PAK5: variants seen among roughly 807,000 people sequenced by gnomAD.
The protein encoded by PAK5 is p21 (RAC1) activated kinase 5.
In PAK5, 16 loss-of-function variants were observed where a neutral mutation model predicts 65.9. That is an observed-to-expected ratio of 0.24 (90% CI 0.16 to 0.37). The LOEUF (loss-of-function observed/expected upper bound fraction) is 0.37, where lower values mean the gene tolerates loss of function less well. Ranked by LOEUF, PAK5 falls within the 10% of genes least tolerant of loss-of-function variation. The pLI, the probability that PAK5 is intolerant of heterozygous loss-of-function variation, is 1.00. For synonymous variants in PAK5, 371 were observed against 354.9 expected, an observed-to-expected ratio of 1.05 and a Z score of -0.51; for missense variants, 785 against 903.9, an observed-to-expected ratio of 0.87 and a Z score of 1.69.
At chr20:9,607,382 T>C (rs2046474109) in intron 3 of PAK5, among the ~76,000 whole-genome samples, 1 of 152,220 alleles carries the variant, frequency 6.6e-6, no homozygotes, top group African/African-American at 2.4e-5. Context: ...CTGGAATCAA[T>C]AAGACTAAAA....
intron 1 of PAK5, among the ~76,000 whole-genome samples, chr20:9,779,245 C>T (rs1233547425): frequency 1.3e-5 from 2 of 151,824 alleles, no homozygotes; most frequent in East Asian, 3.9e-4. Flanking sequence ...AAGTGGGTTC[C>T]ATTACTATCT....
chr20:9,671,123 A>G (rs1397442226), intron 2 of PAK5, among the ~76,000 whole-genome samples: 2 of 152,162 alleles, frequency 1.3e-5, no homozygotes, highest in African/African-American at 4.8e-5. Context: ...GTTCTGTTCC[A>G]TTGGTCTATA....
intron 9 of PAK5, among the ~76,000 whole-genome samples, chr20:9,540,780 A>G (rs960452999): frequency 1.3e-5 from 2 of 148,230 alleles, no homozygotes; most frequent in Non-Finnish European, 3.0e-5. Context: ...TGTGTCACCT[A>G]GGCTGGAGTG....
rs2048639311 is a variant in PAK5 at position 9,756,792 on chromosome 20, C to T, written c.-161-45357G>A. On this transcript the variant is annotated intron_variant, in intron 1 of 9. Transcript: ENST00000353224. Reference sequence around the variant, plus strand: ...GGACAGTGCTGAACTAAGGCATGTCCTCTCTCTACACAGCAAAGGCCGGTT... The same window carrying T: ...GGACAGTGCTGAACTAAGGCATGTCTTCTCTCTACACAGCAAAGGCCGGTT... Among the ~76,000 whole-genome samples the T allele has an allele frequency of 2.0e-5, 3 of 152,102 alleles. No individual in the cohort carries two copies. The South Asian group carries it at 6.2e-4, about 32-fold the overall frequency.
intron 2 of PAK5, among the ~76,000 whole-genome samples, chr20:9,678,971 C>T (rs1212947688): frequency 6.6e-6 from 1 of 152,066 alleles, no homozygotes; most frequent in African/African-American, 2.4e-5. Flanking sequence ...ACACAGTTGA[C>T]CCTTGAACAA....
At chr20:9,645,101 A>G (rs2047116491) in intron 2 of PAK5, among the ~76,000 whole-genome samples, 1 of 152,228 alleles carries the variant, frequency 6.6e-6, no homozygotes, top group Non-Finnish European at 1.5e-5. Context: ...AATTACTTCA[A>G]GTATTAATTA....
intron 7 of PAK5, among the ~76,000 whole-genome samples, chr20:9,546,207 A>G (rs1057158534): frequency 2.0e-5 from 3 of 152,202 alleles, no homozygotes; most frequent in African/African-American, 7.2e-5. Flanking sequence ...CCCTATCTGC[A>G]TGAGTAGATT....
At chr20:9,754,983 A>G (rs2048617494) in intron 1 of PAK5, among the ~76,000 whole-genome samples, 1 of 152,238 alleles carries the variant, frequency 6.6e-6, no homozygotes, top group Admixed American at 6.5e-5. Context: ...ATCTGTGAAA[A>G]TAAAACATAT....
At chr20:9,620,727 GT>G (rs2046752845) in intron 3 of PAK5, among the ~76,000 whole-genome samples, 1 of 152,090 alleles carries the variant, frequency 6.6e-6, no homozygotes, top group Non-Finnish European at 1.5e-5. Context: ...TGCCCTGGAG[GT>G]TGGGAGAGTC....
chr20:9,649,688 A>G (rs1278331032), intron 2 of PAK5, among the ~76,000 whole-genome samples: 1 of 152,200 alleles, frequency 6.6e-6, no homozygotes, highest in Non-Finnish European at 1.5e-5. Context: ...AATAACAGGC[A>G]AATGCAGCAG....
At chr20:9,796,608 C>T (rs764799073) in intron 1 of PAK5, among the ~76,000 whole-genome samples, 9 of 152,012 alleles carry the variant, frequency 5.9e-5, no homozygotes, top group Non-Finnish European at 1.3e-4. Flanking sequence ...CATTTTTGAA[C>T]GATCACTCTT....
rs1359784700 is a variant in PAK5, at chr20:9,538,768, T to A, written c.*694A>T. On this transcript the variant is annotated 3_prime_UTR_variant, in exon 10 of 10. Transcript: ENST00000353224. ...TAATGAAACGTGCACACCATCACCA[T>A]CACTCTTAATTCTTCTTCCACCAAA... is the stretch of plus-strand genomic sequence containing the variant. 2.6e-5 allele frequency: 6 copies of A among 233,202 alleles called. No homozygotes were observed. The East Asian group carries it at 3.6e-4, about 14-fold the overall frequency. 14.4% of individuals were successfully genotyped at this position (233,202 alleles called of 1,614,324 possible).
chr20:9,702,357 A>G (rs949773956), intron 2 of PAK5, among the ~76,000 whole-genome samples: 1 of 152,090 alleles, frequency 6.6e-6, no homozygotes, highest in Non-Finnish European at 1.5e-5. Flanking sequence ...GGATTCCTGC[A>G]TGCTTGCATC....
intron 1 of PAK5, among the ~76,000 whole-genome samples, chr20:9,815,069 G>A (rs567137724): frequency 4.7e-4 from 71 of 152,262 alleles, no homozygotes; most frequent in Middle Eastern, 6.8e-3. Context: ...AAAGAGAAAG[G>A]AGGAGATGCC....
chr20:9,720,188 T>G (rs1453638102), intron 1 of PAK5, among the ~76,000 whole-genome samples: 1 of 152,162 alleles, frequency 6.6e-6, no homozygotes, highest in Non-Finnish European at 1.5e-5. Flanking sequence ...ACAGGGATTC[T>G]TAACTGGGGG....
rs138318973 is a variant in PAK5, at chr20:9,598,077, C to A, written c.205-17147G>T. Among the ~76,000 whole-genome samples, 354 of 152,342 alleles carry A rather than the reference C, an allele frequency of 2.3e-3. 1 individual carries two copies. Among genetic ancestry groups the A allele is most frequent in the African/African-American group, 8.3e-3 (344 of 41,578 alleles). ...TCTCTCACCTAGGTAGTAAGCCCTGCATGCATTAGCTACTTATCCTGATGC... is the reference window on the plus strand; with the variant it reads ...TCTCTCACCTAGGTAGTAAGCCCTGAATGCATTAGCTACTTATCCTGATGC... On this transcript the variant is annotated intron_variant, in intron 3 of 9. Coordinates refer to ENST00000353224, the MANE Select transcript of PAK5 (RefSeq NM_177990.4).
intron 1 of PAK5, among the ~76,000 whole-genome samples, chr20:9,781,935 C>A (rs560431229): frequency 6.6e-6 from 1 of 152,070 alleles, no homozygotes; most frequent in African/African-American, 2.4e-5. Flanking sequence ...CGCAGCAGTC[C>A]GAATAATTTT....
chr20:9,765,859 A>G (rs897437809), intron 1 of PAK5, among the ~76,000 whole-genome samples: 1 of 152,218 alleles, frequency 6.6e-6, no homozygotes, highest in African/African-American at 2.4e-5. Flanking sequence ...ATGATCACCA[A>G]GAGACATGCA....
intron 3 of PAK5, among the ~76,000 whole-genome samples, chr20:9,612,180 G>A (rs1332631862): frequency 6.6e-6 from 1 of 152,144 alleles, no homozygotes; most frequent in Non-Finnish European, 1.5e-5. Flanking sequence ...CCCGTCCTCT[G>A]GGGCCGCCCT....
Sources: gnomAD v4.1 joint callset for allele counts (sites outside exome capture counted in the v4.1 genomes callset) on GRCh38, gnomAD v4.1.1 for gene constraint, MANE v1.5 for transcripts, NCBI Gene and HGNC (gene_info 2026-07-23, HGNC 2026-07-21) for gene names.